RALYL: variants seen among roughly 807,000 people sequenced by gnomAD.
RALYL encodes the protein RNA-binding Raly-like protein.
In RALYL, 29 loss-of-function variants were observed where a neutral mutation model predicts 35.1. That is an observed-to-expected ratio of 0.83 (90% CI 0.61 to 1.13). RALYL has a LOEUF of 1.13. Among genes scored for constraint, RALYL ranks in the 50% most tolerant of loss-of-function variants. RALYL has a pLI of 0.00. For missense variants in RALYL, 359 were observed against 360.4 expected (o/e 1.00, Z 0.03); for synonymous variants, 120 against 127.6 (o/e 0.94, Z 0.40).
At chr8:84,875,628 CTGAATAG>C (rs1376226252) in intron 7 of RALYL, among the ~76,000 whole-genome samples, 1 of 151,782 alleles carries the variant, frequency 6.6e-6, no homozygotes, top group Non-Finnish European at 1.5e-5. Flanking sequence ...TAATTGTTTC[CTGAATAG>C]TGTATTTATA....
intron 2 of RALYL, among the ~76,000 whole-genome samples, chr8:84,597,718 A>G (rs1051353607): frequency 9.2e-5 from 14 of 152,200 alleles, no homozygotes; most frequent in African/African-American, 3.1e-4. Context: ...TTTGTGACAC[A>G]TCAAAATGAC....
intron 1 of RALYL, among the ~76,000 whole-genome samples, chr8:84,336,125 A>C (rs775499866): frequency 2.3e-4 from 35 of 152,072 alleles, no homozygotes; most frequent in Admixed American, 6.6e-4. Flanking sequence ...TAGTACAGTG[A>C]CTTCTCTACA....
intron 7 of RALYL, among the ~76,000 whole-genome samples, chr8:84,874,628 C>G (rs1211660388): frequency 6.6e-6 from 1 of 152,132 alleles, no homozygotes; most frequent in Non-Finnish European, 1.5e-5. Context: ...AGGGTTGGAG[C>G]GTACCCTTGG....
At chr8:84,219,834 T>C (rs1171027843) in intron 1 of RALYL, among the ~76,000 whole-genome samples, 1 of 151,880 alleles carries the variant, frequency 6.6e-6, no homozygotes, top group African/African-American at 2.4e-5. Context: ...GCTTTTCCCC[T>C]CTTAAAAGGT....
intron 1 of RALYL, among the ~76,000 whole-genome samples, chr8:84,443,931 T>C (rs998390953): frequency 1.3e-5 from 2 of 152,156 alleles, no homozygotes; most frequent in African/African-American, 4.8e-5. Context: ...AAACAGATAC[T>C]ATGTGTCCAA....
chr8:84,735,712 G>T (rs1051757388), intron 2 of RALYL, among the ~76,000 whole-genome samples: 3 of 151,794 alleles, frequency 2.0e-5, no homozygotes, highest in Non-Finnish European at 4.4e-5. Flanking sequence ...GCCAATTATT[G>T]AGCATGTGGT....
intron 1 of RALYL, among the ~76,000 whole-genome samples, chr8:84,434,819 A>AAT (rs1554666502): frequency 2.0e-5 from 3 of 152,240 alleles, no homozygotes; most frequent in African/African-American, 4.8e-5. Context: ...AAATTAAAAA[A>AAT]ATATATACAT....
chr8:84,722,545 G>A (rs986888393), intron 2 of RALYL, among the ~76,000 whole-genome samples: 23 of 147,770 alleles, frequency 1.6e-4, no homozygotes, highest in African/African-American at 5.8e-4. Context: ...ATGAAAGAGG[G>A]AAACAGGTCA....
chr8:84,304,382 G>T (rs1329164367), intron 1 of RALYL, among the ~76,000 whole-genome samples: 2 of 151,936 alleles, frequency 1.3e-5, no homozygotes, highest in Non-Finnish European at 2.9e-5. Context: ...CTCCCTAAAG[G>T]TTTATTTTTT....
At chr8:84,399,344 C>CTTG (rs1563852629) in intron 1 of RALYL, among the ~76,000 whole-genome samples, 1 of 152,176 alleles carries the variant, frequency 6.6e-6, no homozygotes, top group Non-Finnish European at 1.5e-5. Flanking sequence ...AGAGCACAGT[C>CTTG]TTGTAATCCC....
In RALYL at chr8:84,302,982, G is replaced by A. The variant is rs145395257; in HGVS notation, c.-24+118558G>A. Among the ~76,000 whole-genome samples the A allele has an allele frequency of 1.1e-4, 17 of 152,230 alleles. No homozygotes were observed. The East Asian group carries it at 2.5e-3, about 23-fold the overall frequency. On this transcript the variant is annotated intron_variant, in intron 1 of 8. Coordinates refer to ENST00000521268, the MANE Select transcript of RALYL (RefSeq NM_173848.7). ...TTAAGTCTTGTAGTTATGTAGGTAGGAGTTTGTGTACTAGAGAATTTTAAT... is the reference window on the plus strand; with the variant it reads ...TTAAGTCTTGTAGTTATGTAGGTAGAAGTTTGTGTACTAGAGAATTTTAAT...
chr8:84,250,374 A>AT (rs1017432228), intron 1 of RALYL, among the ~76,000 whole-genome samples: 12 of 151,292 alleles, frequency 7.9e-5, no homozygotes, highest in African/African-American at 1.2e-4. Flanking sequence ...TTTTATTTTT[A>AT]TTTTTTTTGA....
chr8:84,908,292 T>C (rs1277489489), intron 8 of RALYL, among the ~76,000 whole-genome samples: 1 of 152,150 alleles, frequency 6.6e-6, no homozygotes, highest in Non-Finnish European at 1.5e-5. Flanking sequence ...TACTGTGCAA[T>C]AGATCTCAAA....
intron 1 of RALYL, among the ~76,000 whole-genome samples, chr8:84,358,973 T>A (rs1852399541): frequency 6.6e-6 from 1 of 152,032 alleles, no homozygotes; most frequent in African/African-American, 2.4e-5. Context: ...ACTAGATGAT[T>A]AAATTGATGG....
At chr8:84,581,064 G>A (rs189051930) in intron 2 of RALYL, among the ~76,000 whole-genome samples, 78 of 152,202 alleles carry the variant, frequency 5.1e-4, no homozygotes, top group African/African-American at 1.8e-3. Flanking sequence ...TCACTGCTTG[G>A]CATCTGAGAT....
intron 1 of RALYL, among the ~76,000 whole-genome samples, chr8:84,448,726 C>T (rs2049114868): frequency 6.6e-6 from 1 of 151,954 alleles, no homozygotes; most frequent in Non-Finnish European, 1.5e-5. Flanking sequence ...CATAGAGATT[C>T]ATACATTTTG....
Position 84,346,247 on chromosome 8 carries a change from AT to A in RALYL, c.-24+161826del, listed in dbSNP as rs1271684295. 5.8e-5 allele frequency: 10 copies of A among 172,768 alleles called. No individual in the cohort carries two copies. The Admixed American group carries it at 5.9e-4, about 10-fold the overall frequency. 10.7% of individuals were successfully genotyped at this position (172,768 alleles called of 1,614,324 possible). ...ACCAACATCTGACCAGATTTCCCAA[AT>A]TTAGATGCAATGTCAGATGCTTCTT... On this transcript the variant is annotated intron_variant, in intron 1 of 8. Coordinates refer to ENST00000521268, the MANE Select transcript of RALYL (RefSeq NM_173848.7).
intron 2 of RALYL, among the ~76,000 whole-genome samples, chr8:84,595,626 T>C (rs76301654): frequency 1.3e-5 from 2 of 152,092 alleles, no homozygotes; most frequent in East Asian, 3.9e-4. Context: ...AACTGTTCTT[T>C]CAAAAAAGGA....
chr8:84,873,251 T>G (rs1840550326), intron 6 of RALYL, 33 bp from the exon 7 acceptor site: 9 of 1,231,874 alleles, frequency 7.3e-6, no homozygotes, highest in South Asian at 1.3e-5. Context: ...CATTTGATGC[T>G]CTGTTGTTTT....
Sources: allele counts gnomAD v4.1 joint callset (sites outside exome capture counted in the v4.1 genomes callset), GRCh38; gene constraint gnomAD v4.1.1; transcripts MANE v1.5; gene names NCBI Gene and HGNC (gene_info 2026-07-23, HGNC 2026-07-21).